The following NSL1 variants were observed in gnomAD, a reference collection of about 807,000 sequenced individuals.
The protein encoded by NSL1 is NSL1 component of MIS12 kinetochore complex.
In NSL1, 11 loss-of-function variants were observed where a neutral mutation model predicts 25.4. The ratio of observed to expected loss-of-function variants is 0.43; its 90% CI spans 0.27 to 0.72. The LOEUF (loss-of-function observed/expected upper bound fraction) is 0.72. NSL1 is among the 30% of genes least tolerant of loss of function. The pLI, the probability that NSL1 is intolerant of heterozygous loss-of-function variation, is 0.19. For missense variants in NSL1, 330 were observed against 342.7 expected (o/e 0.96, Z 0.29); for synonymous variants, 118 against 120.6 (o/e 0.98, Z 0.14).
At chr1:212,772,521 A>C (rs1174470347) in intron 4 of NSL1, among the ~76,000 whole-genome samples, 2 of 151,882 alleles carry the variant, frequency 1.3e-5, no homozygotes, top group Non-Finnish European at 2.9e-5. Context: ...AAATAAATAA[A>C]TAAAAATTAG....
At chr1:212,741,595 C>T (rs946717287) in intron 4 of NSL1, among the ~76,000 whole-genome samples, 3 of 152,198 alleles carry the variant, frequency 2.0e-5, no homozygotes, top group Non-Finnish European at 4.4e-5. Flanking sequence ...TTGCCTTCTG[C>T]CATGACTATA....
At chr1:212,780,559 C>G (rs1462069156) in intron 4 of NSL1, among the ~76,000 whole-genome samples, 1 of 146,546 alleles carries the variant, frequency 6.8e-6, no homozygotes, top group East Asian at 2.0e-4. Context: ...TTTTATATCA[C>G]TTAATATTAC....
In NSL1 at chr1:212,727,341, T is replaced by C. The variant is rs1657831153; in HGVS notation, c.*11067A>G. 1.0e-6 allele frequency: 1 copy of C among 985,306 alleles called. No homozygotes were observed. The highest frequency in any genetic ancestry group is 1.7e-5 in the African/African-American group (1 of 57,242). 61.0% of individuals were successfully genotyped at this position (985,306 alleles called of 1,614,324 possible). ...CAAATTACTGAGGGGCAGTAAGTCC[T>C]GGCACTCAGCACATGGCAGGAAGGT... On this transcript the variant is annotated 3_prime_UTR_variant, in exon 6 of 6. Transcript: ENST00000366977.
Position 212,738,090 on chromosome 1 carries a change from T to C in NSL1, c.*318A>G, listed in dbSNP as rs1658311643. 9.8e-7 allele frequency: 1 copy of C among 1,024,688 alleles called. No individual in the cohort carries two copies. The highest frequency in any genetic ancestry group is 1.2e-6 in the Non-Finnish European group (1 of 855,778). The allele number at this position is 1,024,688 out of a possible 1,614,324, so 63.5% of individuals were successfully genotyped here. The stretch of plus-strand genomic sequence containing the variant: ...ACAACAGAATTTGTTACTTGTTAAA[T>C]CCCACAAAAGCTACAAGGGAGCTGA... On this transcript the variant is annotated 3_prime_UTR_variant, in exon 6 of 6. Coordinates refer to ENST00000366977, the MANE Select transcript of NSL1 (RefSeq NM_015471.4).
Position 212,734,202 on chromosome 1 carries a change from G to GAAAAGAAAAAGTACATCTTAC in NSL1, c.*4205_*4206insGTAAGATGTACTTTTTCTTTT, listed in dbSNP as rs1658142284. Among the ~76,000 whole-genome samples, 1 of 152,042 alleles carries GAAAAGAAAAAGTACATCTTAC rather than the reference G, an allele frequency of 6.6e-6. No homozygotes were observed. Among genetic ancestry groups the GAAAAGAAAAAGTACATCTTAC allele is most frequent in the Non-Finnish European group, 1.5e-5 (1 of 68,008 alleles). On this transcript the variant is annotated 3_prime_UTR_variant, in exon 6 of 6. Coordinates refer to ENST00000366977, the MANE Select transcript of NSL1 (RefSeq NM_015471.4). ...TGCTTTGTATGTATCTGTTTTCTTT[G>GAAAAGAAAAAGTACATCTTAC]AGGTCCTTTATTCTCTTTGGTTTTT...
chr1:212,754,769 C>CAAAAAAAAAAAAAAAAAAAAA (rs59259608), intron 4 of NSL1, among the ~76,000 whole-genome samples: 7 of 71,316 alleles, frequency 9.8e-5, no homozygotes, highest in African/African-American at 4.3e-4. Context: ...AATTCTGTCT[C>CAAAAAAAAAAAAAAAAAAAAA]AAAAAAAAAA....
At chr1:212,747,501 C>A (rs1363095072) in intron 4 of NSL1, among the ~76,000 whole-genome samples, 2 of 152,180 alleles carry the variant, frequency 1.3e-5, no homozygotes, top group Non-Finnish European at 2.9e-5. Flanking sequence ...CCCAGGTGAG[C>A]CCTGAAAGAT....
At chr1:212,778,358 A>AT in intron 4 of NSL1, among the ~76,000 whole-genome samples, 2 of 152,306 alleles carry the variant, frequency 1.3e-5, no homozygotes, top group Middle Eastern at 6.8e-3. Context: ...CCTAGTTTTG[A>AT]AAAACAGACA....
chr1:212,740,522 A>G (rs570927876), intron 4 of NSL1, among the ~76,000 whole-genome samples: 2 of 152,242 alleles, frequency 1.3e-5, no homozygotes, highest in South Asian at 4.2e-4. Flanking sequence ...ATTTGGTGAA[A>G]CCTATGAACA....
chr1:212,787,752 T>C lies in NSL1; in HGVS notation c.235-115A>G. ...GACAGAGGAAATAAAAGTAGCAGAA[T>C]AGCTAATTAGTATATCTATTCTTTT... On this transcript the variant is annotated intron_variant, in intron 1 of 5. Coordinates refer to ENST00000366977, the MANE Select transcript of NSL1 (RefSeq NM_015471.4). The C allele has an allele frequency of 5.1e-6, 3 of 591,466 alleles. No individual in the cohort carries two copies. In the Admixed American group the frequency reaches 1.0e-4, roughly 21 times the overall value. 36.6% of individuals were successfully genotyped at this position (591,466 alleles called of 1,614,324 possible).
chr1:212,741,149 G>C (rs115436070), intron 4 of NSL1, among the ~76,000 whole-genome samples: 1,961 of 152,160 alleles, frequency 0.013, 32 homozygotes, highest in African/African-American at 0.045. Flanking sequence ...TTTACGATTT[G>C]AGGAGATTCC....
At position 212,738,423 on chromosome 1, in the gene NSL1, A is replaced by C. The variant is rs1485997490; in HGVS notation, c.831T>G (p.Ile277Met). 3.7e-6 allele frequency: 6 copies of C among 1,611,258 alleles called. No homozygotes were observed. Among genetic ancestry groups the C allele is most frequent in the Admixed American group, 1.7e-5 (1 of 59,412 alleles). Residue 277 changes from isoleucine to methionine, a missense_variant, in exon 6 of 6, where the codon ATT becomes ATG. Ile to Met is a conservative substitution (Grantham distance 10). Coordinates refer to ENST00000366977, the MANE Select transcript of NSL1 (RefSeq NM_015471.4). ...RKWYPLRPKK[I>M]NLDT ...CAGAAAGAGCTCATGTATCAAGATT[A>C]ATTTTCTTTGGCCGCAATGGATACC...
chr1:212,728,747 G>A lies in NSL1; in HGVS notation c.*9661C>T, dbSNP rs1657888420. ...AACATCAGGGATAAACCTGATCACC[G>A]TCCCCTTTGTTGCCACATCTCGCAG... On this transcript the variant is annotated 3_prime_UTR_variant, in exon 6 of 6. Transcript: ENST00000366977. 2.0e-6 allele frequency: 2 copies of A among 985,210 alleles called. No homozygotes were observed. The highest frequency in any genetic ancestry group is 6.2e-5 in the Admixed American group (1 of 16,246). 61.0% of individuals were successfully genotyped at this position (985,210 alleles called of 1,614,324 possible).
Position 212,727,923 on chromosome 1 carries a change from G to T in NSL1, c.*10485C>A. 4 of 985,446 alleles carry T rather than the reference G, an allele frequency of 4.1e-6. No homozygotes were observed. The highest frequency in any genetic ancestry group is 4.8e-6 in the Non-Finnish European group (4 of 829,934). The allele number at this position is 985,446 out of a possible 1,614,324, so 61.0% of individuals were successfully genotyped here. A position where few individuals can be genotyped will look rare whatever the true frequency, so the allele number is the denominator to read the frequency against. On this transcript the variant is annotated 3_prime_UTR_variant, in exon 6 of 6. Coordinates refer to ENST00000366977, the MANE Select transcript of NSL1 (RefSeq NM_015471.4). ...AAAAAAAATGAGAAGAACCAACGAGGTCGCTGTGGTGTAGCGGTGAGAGCG... is the reference window on the plus strand; with the variant it reads ...AAAAAAAATGAGAAGAACCAACGAGTTCGCTGTGGTGTAGCGGTGAGAGCG...
chr1:212,741,136 T>C (rs1658483191), intron 4 of NSL1, among the ~76,000 whole-genome samples: 1 of 152,208 alleles, frequency 6.6e-6, no homozygotes, highest in Non-Finnish European at 1.5e-5. Context: ...ATAATTTCTA[T>C]TATTTACGAT....
intron 4 of NSL1, among the ~76,000 whole-genome samples, chr1:212,764,322 C>A (rs1218073118): frequency 6.6e-6 from 1 of 152,034 alleles, no homozygotes; most frequent in Non-Finnish European, 1.5e-5. Flanking sequence ...ACATCAAAAA[C>A]CCTGAAATAG....
At chr1:212,791,490 AGAG>A in intron 1 of NSL1, 37 bp downstream of exon 1, 1 of 1,544,676 alleles carries the variant, frequency 6.5e-7, no homozygotes, top group African/African-American at 1.4e-5. Flanking sequence ...GTGTTGGGTA[AGAG>A]GATGATGAGT....
chr1:212,765,483 A>T (rs939965154), intron 4 of NSL1, among the ~76,000 whole-genome samples: 2 of 152,184 alleles, frequency 1.3e-5, no homozygotes, highest in African/African-American at 4.8e-5. Flanking sequence ...AAAAACAAAA[A>T]CCATATGATC....
Position 212,729,244 on chromosome 1 carries a change from C to T in NSL1, c.*9164G>A. 2 of 985,378 alleles carry T rather than the reference C, an allele frequency of 2.0e-6. No homozygotes were observed. Among genetic ancestry groups the T allele is most frequent in the Non-Finnish European group, 2.4e-6 (2 of 829,902 alleles). The allele number at this position is 985,378 out of a possible 1,614,324, so 61.0% of individuals were successfully genotyped here. A position where few individuals can be genotyped will look rare whatever the true frequency, so the allele number is the denominator to read the frequency against. On this transcript the variant is annotated 3_prime_UTR_variant, in exon 6 of 6. Transcript: ENST00000366977. Reference sequence around the variant, plus strand: ...CTCTAGGAGCAGAAGTGCAGGTTTGCTTGGGCTCCTAGCCTCTCCCTCAGC... The same window carrying T: ...CTCTAGGAGCAGAAGTGCAGGTTTGTTTGGGCTCCTAGCCTCTCCCTCAGC...
Sources: allele counts gnomAD v4.1 joint callset (sites outside exome capture counted in the v4.1 genomes callset), GRCh38; gene constraint gnomAD v4.1.1; transcripts MANE v1.5; gene names NCBI Gene and HGNC (gene_info 2026-07-23, HGNC 2026-07-21).